The following TSEN2 variants were observed in gnomAD, a reference collection of about 807,000 sequenced individuals.
TSEN2 encodes tRNA-splicing endonuclease subunit Sen2.
TSEN2 carries 54 observed loss-of-function variants against 59.2 expected under a neutral mutation model. That is an observed-to-expected ratio of 0.91 (90% CI 0.73 to 1.14). The LOEUF (loss-of-function observed/expected upper bound fraction) is 1.14. Ranked by LOEUF, TSEN2 falls within the 50% of genes most tolerant of loss-of-function variation. The pLI, the probability that TSEN2 is intolerant of heterozygous loss-of-function variation, is 0.00. For missense variants in TSEN2, 636 were observed against 576.2 expected, an observed-to-expected ratio of 1.10 and a Z score of -1.06; for synonymous variants, 195 against 198.2, an observed-to-expected ratio of 0.98 and a Z score of 0.14.
chr3:12,518,700 CTCTCT>C (rs1270421664), intron 7 of TSEN2, among the ~76,000 whole-genome samples: 1 of 126,660 alleles, frequency 7.9e-6, no homozygotes, highest in African/African-American at 3.4e-5. Flanking sequence ...AGTTTATATT[CTCTCT>C]TTTTTTTTTT....
chr3:12,508,496 A>G (rs1164748512), intron 6 of TSEN2, among the ~76,000 whole-genome samples: 2 of 152,160 alleles, frequency 1.3e-5, no homozygotes, highest in Non-Finnish European at 2.9e-5. Context: ...GTTAGTCAGG[A>G]ACACAGGCAG....
At chr3:12,492,066 G>A (rs1337197810) in intron 2 of TSEN2, 70 bp from the exon 3 acceptor site, 22 of 1,338,578 alleles carry the variant, frequency 1.6e-5, no homozygotes, top group Non-Finnish European at 2.3e-5. Flanking sequence ...AGGGATTACT[G>A]TATATTCTAC....
At chr3:12,491,485 C>T (rs2053204782) in intron 2 of TSEN2, among the ~76,000 whole-genome samples, 1 of 152,220 alleles carries the variant, frequency 6.6e-6, no homozygotes, top group Non-Finnish European at 1.5e-5. Flanking sequence ...TAGTGGGCAG[C>T]ATGGCTCCTG....
chr3:12,484,383 C>G (rs1229913528), upstream of TSEN2: 1 of 152,272 alleles, frequency 6.6e-6, no homozygotes, highest in Admixed American at 6.5e-5. Flanking sequence ...TGCGCAGGCG[C>G]ACTCCGCCAA....
upstream of TSEN2, among the ~76,000 whole-genome samples, chr3:12,481,391 G>A (rs1170858898): frequency 6.6e-6 from 1 of 152,166 alleles, no homozygotes; most frequent in Non-Finnish European, 1.5e-5. Flanking sequence ...GTCACACAGT[G>A]TGCACATTCC....
chr3:12,480,308 G>A (rs572392739), upstream of TSEN2, among the ~76,000 whole-genome samples: 250 of 152,122 alleles, frequency 1.6e-3, no homozygotes, highest in African/African-American at 5.8e-3. Context: ...CTTGCACATG[G>A]GCCTGCCCTG....
intron 6 of TSEN2, among the ~76,000 whole-genome samples, chr3:12,514,023 C>G (rs1053985014): frequency 6.6e-6 from 1 of 152,234 alleles, no homozygotes; most frequent in African/African-American, 2.4e-5. Flanking sequence ...GCTAGACCCC[C>G]TTCTAGGCCA....
intron 3 of TSEN2, 90 bp downstream of exon 3, chr3:12,492,307 T>C: frequency 8.5e-7 from 1 of 1,175,254 alleles, no homozygotes; most frequent in Non-Finnish European, 1.3e-6. Context: ...AGTAAAATTC[T>C]AGAGAAGTAA....
chr3:12,496,555 G>A lies in TSEN2; in HGVS notation c.308+1G>A, dbSNP rs1180283877. ...ACATGCCTATCATCACATCAAAGAGGTAAGTCATAATGAACTTTGGCTTCT... is the reference window on the plus strand; with the variant it reads ...ACATGCCTATCATCACATCAAAGAGATAAGTCATAATGAACTTTGGCTTCT... On this transcript the variant is annotated splice_donor_variant, in intron 4 of 11. Coordinates refer to ENST00000284995, the MANE Select transcript of TSEN2 (RefSeq NM_025265.4). LOFTEE classifies it high-confidence loss of function. 1 of 1,614,064 alleles carries A rather than the reference G, an allele frequency of 6.2e-7. No homozygotes were observed. Among genetic ancestry groups the A allele is most frequent in the Non-Finnish European group, 8.5e-7 (1 of 1,179,998 alleles).
At chr3:12,529,735 T>C in intron 9 of TSEN2, 27 bp from the exon 10 acceptor site, 1 of 1,600,840 alleles carries the variant, frequency 6.2e-7, no homozygotes, top group Non-Finnish European at 8.6e-7. Context: ...ATGATTACTT[T>C]TAACATGCTT....
downstream of TSEN2, among the ~76,000 whole-genome samples, chr3:12,534,278 C>T (rs76325903): frequency 0.02 from 3,038 of 152,244 alleles, 101 homozygotes; most frequent in African/African-American, 0.069. Context: ...GATTCCATGA[C>T]GACCACCTAT....
intron 4 of TSEN2, among the ~76,000 whole-genome samples, chr3:12,501,012 T>C (rs2054232609): frequency 6.6e-6 from 1 of 152,226 alleles, no homozygotes. Flanking sequence ...CAGAAAAATA[T>C]ATTGTCACAA....
chr3:12,517,032 C>T (rs1021626087), intron 7 of TSEN2, among the ~76,000 whole-genome samples: 4 of 152,100 alleles, frequency 2.6e-5, no homozygotes, highest in Admixed American at 2.6e-4. Context: ...ATTTCCAGTC[C>T]TTATCTCCAC....
chr3:12,508,861 T>G (rs2055116858), intron 6 of TSEN2, among the ~76,000 whole-genome samples: 1 of 152,200 alleles, frequency 6.6e-6, no homozygotes, highest in Non-Finnish European at 1.5e-5. Context: ...TTCAAATTTT[T>G]TATTCTTATA....
At chr3:12,536,397 A>C (rs575645569), downstream of TSEN2, among the ~76,000 whole-genome samples, 1 of 152,184 alleles carries the variant, frequency 6.6e-6, no homozygotes, top group Non-Finnish European at 1.5e-5. Context: ...ACTTGCTGTG[A>C]AAAGGATCCT....
rs960620663 is a variant in TSEN2 at position 12,505,201 on chromosome 3, C to A, written c.879C>A (p.Ile293=). The A allele has an allele frequency of 6.2e-7, 1 of 1,612,280 alleles. No individual in the cohort carries two copies. Among genetic ancestry groups the A allele is most frequent in the Non-Finnish European group, 8.5e-7 (1 of 1,178,378 alleles). Residue 293 remains isoleucine (I), a synonymous_variant, in exon 6 of 12, where the codon ATC becomes ATA. Coordinates refer to ENST00000284995, the MANE Select transcript of TSEN2 (RefSeq NM_025265.4). ...RLICRRNPYR[I]FEYLQLSLEE... is the part of the protein sequence containing the mutation. ...TATGCAGAAGAAATCCATATAGGAT[C>A]TTTGAGTATTTGCAACTCAGCCTAG...
intron 8 of TSEN2, among the ~76,000 whole-genome samples, chr3:12,521,222 T>C (rs1424696227): frequency 1.3e-5 from 2 of 152,180 alleles, no homozygotes; most frequent in Non-Finnish European, 2.9e-5. Context: ...ACTAAAGGTC[T>C]GCTGTGGGCC....
intron 6 of TSEN2, among the ~76,000 whole-genome samples, chr3:12,509,204 G>GT (rs1387711996): frequency 4.5e-5 from 5 of 110,458 alleles, no homozygotes; most frequent in Admixed American, 1.6e-4. Flanking sequence ...TTTTTTTGTT[G>GT]TTGTTTTTTT....
chr3:12,501,040 A>G (rs1320461434), intron 4 of TSEN2, among the ~76,000 whole-genome samples: 2 of 152,228 alleles, frequency 1.3e-5, no homozygotes, highest in Non-Finnish European at 1.5e-5. Context: ...TGTTCAAATA[A>G]AGGAAATTTA....
Sources: gnomAD v4.1 joint callset for allele counts (sites outside exome capture counted in the v4.1 genomes callset) on GRCh38, gnomAD v4.1.1 for gene constraint, MANE v1.5 for transcripts, NCBI Gene and HGNC (gene_info 2026-07-23, HGNC 2026-07-21) for gene names.